The following EFHC1 variants were observed in gnomAD, a reference collection of about 807,000 sequenced individuals.
The protein encoded by EFHC1 is EF-hand domain containing 1.
A neutral mutation model predicts 69.9 loss-of-function variants in EFHC1; 53 were observed. The observed-to-expected ratio is 0.76, with a 90% CI of 0.61 to 0.95. The LOEUF (loss-of-function observed/expected upper bound fraction) is 0.95. Among genes scored for constraint, EFHC1 ranks in the 40% least tolerant of loss-of-function variants. EFHC1 has a pLI of 0.00. For missense variants in EFHC1, 739 were observed against 798.7 expected (o/e 0.93, Z 0.90); for synonymous variants, 256 against 278.4 (o/e 0.92, Z 0.80).
Position 52,427,549 on chromosome 6 carries a change from C to T in EFHC1, c.285+3382C>T, listed in dbSNP as rs1028923512. ...CCTCCTCATTTTTCTATATCACTTCCCTCTCTTTTTTTTTTTTCCCCTTTG... is the reference window on the plus strand; with the variant it reads ...CCTCCTCATTTTTCTATATCACTTCTCTCTCTTTTTTTTTTTTCCCCTTTG... On this transcript the variant is annotated intron_variant, in intron 2 of 10. Transcript: ENST00000371068. Among the ~76,000 whole-genome samples the T allele has an allele frequency of 4.6e-4, 36 of 78,910 alleles. 1 individual carries two copies. The highest frequency in any genetic ancestry group is 1.8e-3 in the African/African-American group (35 of 19,062). The allele number at this position is 78,910 out of a possible 152,430, so 51.8% of individuals were successfully genotyped here.
chr6:52,424,827 C>A (rs3827793), intron 2 of EFHC1, among the ~76,000 whole-genome samples: 6,441 of 152,210 alleles, frequency 0.042, 241 homozygotes, highest in East Asian at 0.14. Flanking sequence ...GAATCACTGG[C>A]GAGATTTTTA....
chr6:52,438,888 AGCATCCCT>A (rs1347377791), intron 3 of EFHC1, among the ~76,000 whole-genome samples: 1 of 152,218 alleles, frequency 6.6e-6, no homozygotes, highest in African/African-American at 2.4e-5. Flanking sequence ...GTAGGGGAAT[AGCATCCCT>A]GCTGGGATGT....
intron 5 of EFHC1, among the ~76,000 whole-genome samples, chr6:52,462,547 T>A (rs546159075): frequency 1.4e-4 from 21 of 152,050 alleles, no homozygotes; most frequent in African/African-American, 4.6e-4. Context: ...TAGACAAGAT[T>A]TATGAAGGGA....
rs746899390 is a variant in EFHC1, at chr6:52,494,252, A to G, written c.*1911A>G. 4.4e-6 allele frequency: 2 copies of G among 454,172 alleles called. No individual in the cohort carries two copies. The highest frequency in any genetic ancestry group is 1.6e-5 in the South Asian group (1 of 64,480). 28.1% of individuals were successfully genotyped at this position (454,172 alleles called of 1,614,324 possible). ...GAAAGTTGGGGACTATCTGTATTTT[A>G]GAAGTTTTTTCAGCTTAAAAATTAC... is the stretch of plus-strand genomic sequence containing the variant. On this transcript the variant is annotated 3_prime_UTR_variant, in exon 11 of 11. Transcript: ENST00000371068.
rs1765983667 is a variant in EFHC1, at chr6:52,494,074, A to G, written c.*1733A>G. ...GTTTTACCCTCAGTCGCTCATAACT[A>G]TTTAAAACAGTATCTCTTTCAAGTA... On this transcript the variant is annotated 3_prime_UTR_variant, in exon 11 of 11. Transcript: ENST00000371068. The G allele has an allele frequency of 2.8e-6, 1 of 351,638 alleles. No individual in the cohort carries two copies. The highest frequency in any genetic ancestry group is 5.5e-6 in the Non-Finnish European group (1 of 182,468). 21.8% of individuals were successfully genotyped at this position (351,638 alleles called of 1,614,324 possible).
At chr6:52,428,021 C>T (rs1313691802) in intron 2 of EFHC1, among the ~76,000 whole-genome samples, 2 of 152,052 alleles carry the variant, frequency 1.3e-5, no homozygotes, top group Non-Finnish European at 2.9e-5. Context: ...CGTCTATAAA[C>T]TCAGAAGGTT....
chr6:52,427,556 T>C (rs1581811723), intron 2 of EFHC1, among the ~76,000 whole-genome samples: 1 of 3,720 alleles, frequency 2.7e-4, no homozygotes, highest in South Asian at 4.4e-3. Flanking sequence ...TTCCCTCTCT[T>C]TTTTTTTTTT....
chr6:52,441,605 A>C (rs1391055439), intron 3 of EFHC1, among the ~76,000 whole-genome samples: 1 of 152,084 alleles, frequency 6.6e-6, no homozygotes, highest in African/African-American at 2.4e-5. Flanking sequence ...GTACCATTGA[A>C]TTTTAAAGTA....
chr6:52,430,143 TATC>T (rs1184045576), intron 2 of EFHC1: 2 of 152,322 alleles, frequency 1.3e-5, no homozygotes, highest in East Asian at 3.9e-4. Context: ...TAAACAATCA[TATC>T]ATCAGTGAAC....
At chr6:52,451,373 T>A (rs1020687982) in intron 3 of EFHC1, among the ~76,000 whole-genome samples, 6 of 152,238 alleles carry the variant, frequency 3.9e-5, no homozygotes, top group African/African-American at 1.4e-4. Flanking sequence ...AAAAGGATCT[T>A]ATTTCTCCTT....
chr6:52,432,495 T>C (rs1484337145), intron 2 of EFHC1, among the ~76,000 whole-genome samples: 2 of 152,212 alleles, frequency 1.3e-5, no homozygotes, highest in African/African-American at 4.8e-5. Context: ...AATTCTTGGC[T>C]GATAATTCTT....
Position 52,479,799 on chromosome 6 carries a change from A to G in EFHC1, c.1640+12A>G, listed in dbSNP as rs768096799. ...CCAGAAGCAGAAAGGTGTGTGTTTG[A>G]TTGCTAGGGTTTGGCACACTCAAGA... On this transcript the variant is annotated intron_variant, in intron 9 of 10. Coordinates refer to ENST00000371068, the MANE Select transcript of EFHC1 (RefSeq NM_018100.4). 5.0e-6 allele frequency: 8 copies of G among 1,613,776 alleles called. No individual in the cohort carries two copies.
intron 3 of EFHC1, among the ~76,000 whole-genome samples, chr6:52,443,025 C>A (rs1199327456): frequency 1.3e-5 from 2 of 152,198 alleles, no homozygotes; most frequent in African/African-American, 4.8e-5. Context: ...ATTTGCATTT[C>A]TCTGATGGCC....
Position 52,454,254 on chromosome 6 carries a change from C to G in EFHC1, c.883C>G (p.Gln295Glu). Residue 295 changes from glutamine (Q) to glutamate (E), a missense_variant, in exon 5 of 11, where the codon CAG becomes GAG. Transcript: ENST00000371068. ...RDPFPLLMNR[Q>E]RVPKVLVENA... ...TCCTTTCCCACTCCTAATGAACCGC[C>G]AGCGTGTGCCCAAAGTTTTGGTGGA... The G allele has an allele frequency of 6.2e-7, 1 of 1,614,158 alleles. No individual in the cohort carries two copies. The highest frequency in any genetic ancestry group is 8.5e-7 in the Non-Finnish European group (1 of 1,180,018).
chr6:52,473,472 C>A (rs1245441147), intron 7 of EFHC1, among the ~76,000 whole-genome samples: 2 of 151,924 alleles, frequency 1.3e-5, no homozygotes, highest in East Asian at 3.9e-4. Flanking sequence ...ATACAAAAAA[C>A]CAGTCATGTT....
At chr6:52,438,212 T>G in intron 2 of EFHC1, 92 bp from the exon 3 acceptor site, 1 of 1,221,900 alleles carries the variant, frequency 8.2e-7, no homozygotes, top group South Asian at 1.3e-5. Context: ...AATCTCCCTG[T>G]GTGGTTCTGT....
chr6:52,430,780 C>A (rs148233492), intron 2 of EFHC1, among the ~76,000 whole-genome samples: 3 of 151,806 alleles, frequency 2.0e-5, no homozygotes, highest in Non-Finnish European at 4.4e-5. Context: ...GCCAATAGTA[C>A]CAGTTTTTCT....
chr6:52,426,391 T>C (rs1048961998), intron 2 of EFHC1, among the ~76,000 whole-genome samples: 7 of 152,162 alleles, frequency 4.6e-5, no homozygotes, highest in African/African-American at 1.7e-4. Context: ...TTTTCCTCCT[T>C]CTTTCTATGT....
At position 52,463,537 on chromosome 6, in the gene EFHC1, T is replaced by C. The variant is rs551989449; in HGVS notation, c.917-1358T>C. ...TTTAGAGAGAAGAACTTCTTAATTC[T>C]TTCATTTAAAAAGGCCAGTGAAACC... On this transcript the variant is annotated intron_variant, in intron 5 of 10. Coordinates refer to ENST00000371068, the MANE Select transcript of EFHC1 (RefSeq NM_018100.4). 1.2e-3 allele frequency among the ~76,000 whole-genome samples: 190 copies of C among 152,300 alleles called. 1 individual carries two copies. Among genetic ancestry groups the C allele is most frequent in the African/African-American group, 4.3e-3 (178 of 41,556 alleles).
Sources: gnomAD v4.1 joint callset for allele counts (sites outside exome capture counted in the v4.1 genomes callset) on GRCh38, gnomAD v4.1.1 for gene constraint, MANE v1.5 for transcripts, NCBI Gene and HGNC (gene_info 2026-07-23, HGNC 2026-07-21) for gene names.